ZNF385D: variants seen among roughly 807,000 people sequenced by gnomAD.
ZNF385D encodes the protein zinc finger protein 385D.
ZNF385D carries 15 observed loss-of-function variants against 35.8 expected under a neutral mutation model. The observed-to-expected ratio is 0.42, with a 90% CI of 0.28 to 0.64. ZNF385D has a LOEUF of 0.64. Among genes scored for constraint, ZNF385D ranks in the 30% least tolerant of loss-of-function variants. The pLI is 0.23. For synonymous variants in ZNF385D, 212 were observed against 186.8 expected, an observed-to-expected ratio of 1.13 and a Z score of -1.10; for missense variants, 474 against 494.6, an observed-to-expected ratio of 0.96 and a Z score of 0.39.
intron 3 of ZNF385D, among the ~76,000 whole-genome samples, chr3:21,885,746 G>C (rs1286459577): frequency 8.3e-6 from 1 of 120,768 alleles, no homozygotes; most frequent in African/African-American, 3.3e-5. Flanking sequence ...GTGTCTGTGT[G>C]TGTGTGTGTG....
chr3:21,975,754 T>C (rs13097046), intron 3 of ZNF385D, among the ~76,000 whole-genome samples: 58,289 of 115,384 alleles, frequency 0.51, 13,777 homozygotes, highest in South Asian at 0.54. Flanking sequence ...TATATATATA[T>C]ACACACACTA....
chr3:21,912,229 C>A (rs550485880), intron 3 of ZNF385D, among the ~76,000 whole-genome samples: 1 of 151,884 alleles, frequency 6.6e-6, no homozygotes, highest in Non-Finnish European at 1.5e-5. Flanking sequence ...ACCCTAAACT[C>A]GTTAAAATGG....
At chr3:22,065,307 C>T (rs61609219) in intron 3 of ZNF385D, among the ~76,000 whole-genome samples, 1,991 of 152,300 alleles carry the variant, frequency 0.013, 52 homozygotes, top group African/African-American at 0.044. Context: ...TCATCTAGCT[C>T]GCTGTCCTAG....
intron 3 of ZNF385D, among the ~76,000 whole-genome samples, chr3:21,949,237 T>G (rs1466227419): frequency 2.0e-5 from 3 of 152,226 alleles, no homozygotes; most frequent in African/African-American, 7.2e-5. Context: ...TCTTCCCTGA[T>G]TTTTCAATAG....
chr3:21,941,688 G>A (rs1383710131), intron 3 of ZNF385D, among the ~76,000 whole-genome samples: 1 of 151,696 alleles, frequency 6.6e-6, no homozygotes, highest in Non-Finnish European at 1.5e-5. Flanking sequence ...TAGTAGAGAC[G>A]GGGTTTCACC....
chr3:21,973,896 T>C (rs546252742), intron 3 of ZNF385D, among the ~76,000 whole-genome samples: 2 of 152,006 alleles, frequency 1.3e-5, no homozygotes, highest in African/African-American at 4.8e-5. Flanking sequence ...ATGAAAACTA[T>C]AAAATATTGA....
At chr3:21,444,804 T>C (rs1702061122) in intron 4 of ZNF385D, among the ~76,000 whole-genome samples, 1 of 130,278 alleles carries the variant, frequency 7.7e-6, no homozygotes, top group Non-Finnish European at 1.5e-5. Context: ...GGATAATTTA[T>C]CCAAAATTTA....
In ZNF385D at chr3:22,136,663, T is replaced by C. The variant is rs9818082; in HGVS notation, c.325+32154A>G. ...AACAAGCATATCGCTTTATTAATCA[T>C]TGCCAAAACGTGGGAGCAACCATTA... On this transcript the variant is annotated intron_variant, in intron 3 of 5. Transcript: ENST00000494108. Among the ~76,000 whole-genome samples the C allele has an allele frequency of 2.3e-3, 352 of 152,280 alleles. 1 individual carries two copies. Among genetic ancestry groups the C allele is most frequent in the Middle Eastern group, 3.4e-3 (1 of 294 alleles).
chr3:21,651,816 A>T (rs902658784), intron 2 of ZNF385D, among the ~76,000 whole-genome samples: 2 of 152,196 alleles, frequency 1.3e-5, no homozygotes, highest in East Asian at 3.8e-4. Context: ...CCTTTCTATA[A>T]AAAATTAAGC....
In ZNF385D at chr3:22,008,722, T is replaced by C. The variant is rs563769159; in HGVS notation, c.325+160095A>G. Among the ~76,000 whole-genome samples, 6 of 152,086 alleles carry C rather than the reference T, an allele frequency of 3.9e-5. No homozygotes were observed. In the East Asian group the frequency reaches 9.7e-4, roughly 24 times the overall value. ...GCCATAACAAAACACAACTGAAAAC[T>C]GAAAAACCGTGTGAATATTTTTACA... On this transcript the variant is annotated intron_variant, in intron 3 of 5. Transcript: ENST00000494108.
At chr3:22,320,093 A>C (rs930303338) in intron 2 of ZNF385D, among the ~76,000 whole-genome samples, 1 of 151,400 alleles carries the variant, frequency 6.6e-6, no homozygotes, top group Non-Finnish European at 1.5e-5. Context: ...TAGGTGCTTC[A>C]TGTGGAATCT....
intron 3 of ZNF385D, among the ~76,000 whole-genome samples, chr3:22,034,069 T>C (rs1429449872): frequency 6.6e-6 from 1 of 152,196 alleles, no homozygotes; most frequent in Non-Finnish European, 1.5e-5. Flanking sequence ...AACCATCTTA[T>C]CAGGATAGTA....
At chr3:22,353,812 G>C (rs557467512) in intron 2 of ZNF385D, among the ~76,000 whole-genome samples, 1 of 152,136 alleles carries the variant, frequency 6.6e-6, no homozygotes, top group South Asian at 2.1e-4. Context: ...CTGAGCAAAT[G>C]AGTGTATCTT....
chr3:22,014,954 G>A (rs1696792618), intron 3 of ZNF385D, among the ~76,000 whole-genome samples: 1 of 152,126 alleles, frequency 6.6e-6, no homozygotes, highest in South Asian at 2.1e-4. Context: ...TATTTGAGGA[G>A]TGAATTAGAG....
intron 2 of ZNF385D, among the ~76,000 whole-genome samples, chr3:21,578,698 G>GCTTTCATGCCAGAAC (rs1209088999): frequency 1.3e-5 from 2 of 152,056 alleles, no homozygotes; most frequent in African/African-American, 4.8e-5. Flanking sequence ...TGATACGCCT[G>GCTTTCATGCCAGAAC]CTTTCATGCC....
At chr3:21,984,777 A>T (rs1284210626) in intron 3 of ZNF385D, among the ~76,000 whole-genome samples, 9 of 118,872 alleles carry the variant, frequency 7.6e-5, no homozygotes, top group Non-Finnish European at 1.5e-4. Context: ...TTTTCACGAT[A>T]TTGATTCTTC....
At chr3:21,496,515 T>C (rs1039377701) in intron 4 of ZNF385D, among the ~76,000 whole-genome samples, 14 of 119,180 alleles carry the variant, frequency 1.2e-4, no homozygotes, top group African/African-American at 3.4e-4. Context: ...CATATATATA[T>C]ACACATATAT....
chr3:22,311,041 T>A (rs868656726), intron 2 of ZNF385D, among the ~76,000 whole-genome samples: 2 of 151,876 alleles, frequency 1.3e-5, no homozygotes, highest in Non-Finnish European at 2.9e-5. Context: ...GAAGGTTGAA[T>A]TGAATAAGGA....
At position 22,321,616 on chromosome 3, in the gene ZNF385D, C is replaced by T. The variant is rs185871580; in HGVS notation, c.106+50834G>A. 5.4e-3 allele frequency among the ~76,000 whole-genome samples: 816 copies of T among 152,194 alleles called. 6 individuals carry two copies. Among genetic ancestry groups the T allele is most frequent in the African/African-American group, 0.019 (772 of 41,526 alleles). Reference sequence around the variant, plus strand: ...TCCTGACCTCGTGATCCACTCACCTCGGCCTCCCAAAGTGCTGGGATTACA... The same window carrying T: ...TCCTGACCTCGTGATCCACTCACCTTGGCCTCCCAAAGTGCTGGGATTACA... On this transcript the variant is annotated intron_variant, in intron 2 of 5. Coordinates refer to the ZNF385D transcript ENST00000494108.
Sources: allele counts gnomAD v4.1 joint callset (sites outside exome capture counted in the v4.1 genomes callset), GRCh38; gene constraint gnomAD v4.1.1; transcripts MANE v1.5; gene names NCBI Gene and HGNC (gene_info 2026-07-23, HGNC 2026-07-21).